The following MGMT variants were observed in gnomAD, a reference collection of about 807,000 sequenced individuals.
MGMT encodes the protein O-6-methylguanine-DNA methyltransferase, also known as methylated-DNA--protein-cysteine methyltransferase.
A neutral mutation model predicts 15.9 loss-of-function variants in MGMT; 14 were observed. That is an observed-to-expected ratio of 0.88 (90% CI 0.58 to 1.37). MGMT has a LOEUF of 1.37. Ranked by LOEUF, MGMT falls within the 40% of genes most tolerant of loss-of-function variation. The pLI is 0.00. For missense variants in MGMT, 282 were observed against 268.1 expected, an observed-to-expected ratio of 1.05 and a Z score of -0.36; for synonymous variants, 130 against 118.2, an observed-to-expected ratio of 1.10 and a Z score of -0.65.
At chr10:129,728,657 C>T (rs1014271607) in intron 3 of MGMT, among the ~76,000 whole-genome samples, 10 of 152,066 alleles carry the variant, frequency 6.6e-5, no homozygotes, top group Non-Finnish European at 1.3e-4. Flanking sequence ...TAGGCCCTCC[C>T]GCCACTGCCC....
chr10:129,630,532 C>G (rs1847198229), intron 2 of MGMT, among the ~76,000 whole-genome samples: 1 of 152,152 alleles, frequency 6.6e-6, no homozygotes, highest in South Asian at 2.1e-4. Context: ...GCTCTTGGCC[C>G]TTGAAGATAA....
chr10:129,601,499 G>A (rs530168325), intron 2 of MGMT, among the ~76,000 whole-genome samples: 1 of 152,306 alleles, frequency 6.6e-6, no homozygotes, highest in African/African-American at 2.4e-5. Flanking sequence ...CTGGCAGTGT[G>A]GAGATGAGTA....
intron 1 of MGMT, among the ~76,000 whole-genome samples, chr10:129,479,151 A>G (rs1845328294): frequency 6.6e-6 from 1 of 152,208 alleles, no homozygotes; most frequent in South Asian, 2.1e-4. Flanking sequence ...TTATTGTGAT[A>G]TGTAGTGTTC....
intron 1 of MGMT, among the ~76,000 whole-genome samples, chr10:129,505,993 G>A (rs1711675): frequency 0.99 from 149,387 of 150,564 alleles, 74,120 homozygotes; most frequent in Middle Eastern, 1. Flanking sequence ...GTGGTCTCTC[G>A]TCTGCAGTTG....
At chr10:129,530,496 G>C (rs1387784280) in intron 1 of MGMT, among the ~76,000 whole-genome samples, 1 of 152,264 alleles carries the variant, frequency 6.6e-6, no homozygotes, top group African/African-American at 2.4e-5. Context: ...CTAAGGCATT[G>C]GTTAAACGTC....
At chr10:129,728,214 G>T (rs1848455385) in intron 3 of MGMT, among the ~76,000 whole-genome samples, 1 of 152,156 alleles carries the variant, frequency 6.6e-6, no homozygotes, top group Admixed American at 6.5e-5. Flanking sequence ...AAGAAGAAGG[G>T]ATTCATTTTG....
At chr10:129,716,968 G>A (rs756263361) in intron 3 of MGMT, among the ~76,000 whole-genome samples, 6 of 152,170 alleles carry the variant, frequency 3.9e-5, no homozygotes, top group South Asian at 2.1e-4. Context: ...CCGCATTGAC[G>A]CATGCATAAC....
chr10:129,476,140 C>CT (rs913477691), intron 1 of MGMT, among the ~76,000 whole-genome samples: 27 of 151,554 alleles, frequency 1.8e-4, no homozygotes, highest in Admixed American at 9.9e-4. Flanking sequence ...GTTGAATTTT[C>CT]TTTTTTTTTG....
At chr10:129,761,151 A>G (rs1589980763) in intron 4 of MGMT, among the ~76,000 whole-genome samples, 1 of 152,252 alleles carries the variant, frequency 6.6e-6, no homozygotes, top group East Asian at 1.9e-4. Context: ...GGCTCCGTGT[A>G]GGGCCCATGA....
At chr10:129,502,660 C>G (rs1459300748) in intron 1 of MGMT, among the ~76,000 whole-genome samples, 1 of 152,058 alleles carries the variant, frequency 6.6e-6, no homozygotes, top group Admixed American at 6.5e-5. Context: ...AGAGGGGTGA[C>G]TGGGGATGGG....
chr10:129,717,406 G>C, intron 3 of MGMT, among the ~76,000 whole-genome samples: 1 of 152,192 alleles, frequency 6.6e-6, no homozygotes, highest in Non-Finnish European at 1.5e-5. Flanking sequence ...TGGGACCTGG[G>C]TATTGGAACA....
chr10:129,559,615 T>C (rs1846254906), intron 2 of MGMT, among the ~76,000 whole-genome samples: 1 of 152,178 alleles, frequency 6.6e-6, no homozygotes, highest in Non-Finnish European at 1.5e-5. Flanking sequence ...TGTGTTGCCT[T>C]GATGGGTTAT....
At chr10:129,626,858 G>A (rs920429434) in intron 2 of MGMT, among the ~76,000 whole-genome samples, 2 of 152,212 alleles carry the variant, frequency 1.3e-5, no homozygotes, top group Non-Finnish European at 2.9e-5. Context: ...TTTATAAACT[G>A]ACTATGGAGC....
At chr10:129,730,974 T>C (rs1409701471) in intron 3 of MGMT, among the ~76,000 whole-genome samples, 2 of 152,162 alleles carry the variant, frequency 1.3e-5, no homozygotes, top group Non-Finnish European at 1.5e-5. Context: ...GGAAAGTGAG[T>C]ATAAATACGC....
chr10:129,689,787 C>T (rs1039679440), intron 2 of MGMT, among the ~76,000 whole-genome samples: 15 of 152,196 alleles, frequency 9.9e-5, no homozygotes, highest in Non-Finnish European at 1.8e-4. Flanking sequence ...TCTGAATTGC[C>T]TCATGCTGCT....
In MGMT at chr10:129,532,768, C is replaced by T. The variant is rs536504614; in HGVS notation, c.-12-3473C>T. ...TGGCCGTGGCCATCTCAGGTTAGAC[C>T]CTCAGAGTGGCACTGTCAGGTAGAG... is the stretch of plus-strand genomic sequence containing the variant. On this transcript the variant is annotated intron_variant, in intron 1 of 4. Transcript: ENST00000651593. The surrounding 1 kb of genome is among the most constrained non-coding windows in gnomAD (Gnocchi z 5.3). Among the ~76,000 whole-genome samples the T allele has an allele frequency of 4.6e-5, 7 of 152,252 alleles. No homozygotes were observed. The East Asian group carries it at 1.4e-3, about 30-fold the overall frequency.
intron 2 of MGMT, among the ~76,000 whole-genome samples, chr10:129,674,387 G>A (rs1342144132): frequency 6.6e-6 from 1 of 152,164 alleles, no homozygotes; most frequent in African/African-American, 2.4e-5. Context: ...AGCCAGTCAC[G>A]AATCGGCTAT....
At chr10:129,747,447 G>T (rs773171594) in intron 3 of MGMT, among the ~76,000 whole-genome samples, 3 of 152,146 alleles carry the variant, frequency 2.0e-5, no homozygotes, top group Non-Finnish European at 4.4e-5. Context: ...TATAGATTAT[G>T]TGTTTTTCTA....
At chr10:129,545,093 A>G (rs1311357237) in intron 2 of MGMT, among the ~76,000 whole-genome samples, 6 of 152,154 alleles carry the variant, frequency 3.9e-5, no homozygotes, top group South Asian at 4.1e-4. Context: ...GTTGGCATCA[A>G]TGTGCGTTTA....
Sources: gnomAD v4.1 joint callset for allele counts (sites outside exome capture counted in the v4.1 genomes callset) on GRCh38, gnomAD v4.1.1 for gene constraint, Gnocchi (gnomAD v3.1) non-coding constraint, MANE v1.5 for transcripts, NCBI Gene and HGNC (gene_info 2026-07-23, HGNC 2026-07-21) for gene names.